RNLS: variants seen among roughly 807,000 people sequenced by gnomAD.
The protein encoded by RNLS is renalase.
A neutral mutation model predicts 39.8 loss-of-function variants in RNLS; 39 were observed. That is an observed-to-expected ratio of 0.98 (90% CI 0.76 to 1.28). RNLS has a LOEUF of 1.28. Ranked by LOEUF, RNLS falls within the 50% of genes most tolerant of loss-of-function variation. RNLS has a pLI of 0.00. For missense variants in RNLS, 410 were observed against 413.3 expected (o/e 0.99, Z 0.07); for synonymous variants, 147 against 150.7 (o/e 0.98, Z 0.18).
chr10:88,182,701 G>C, the RNLS span, among the ~76,000 whole-genome samples: 42 of 152,206 alleles, frequency 2.8e-4, no homozygotes, highest in Non-Finnish European at 5.3e-4. Flanking sequence ...GTGTGTGTGA[G>C]AGAGTGATTT....
At chr10:88,364,570 C>T (rs1180487464) in intron 4 of RNLS, among the ~76,000 whole-genome samples, 1 of 152,076 alleles carries the variant, frequency 6.6e-6, no homozygotes, top group South Asian at 2.1e-4. Context: ...ATTCTTACTA[C>T]CCTATACTTT....
chr10:88,373,134 CAT>C (rs750708183), intron 4 of RNLS, among the ~76,000 whole-genome samples: 106 of 152,242 alleles, frequency 7.0e-4, no homozygotes, highest in Non-Finnish European at 1.3e-3. Flanking sequence ...AACTTTATTA[CAT>C]GTCACCTCAT....
intron 4 of RNLS, among the ~76,000 whole-genome samples, chr10:88,457,037 A>AT (rs1282335371): frequency 6.6e-6 from 1 of 152,164 alleles, no homozygotes; most frequent in Non-Finnish European, 1.5e-5. Context: ...CTCCACCCAC[A>AT]TTTTTTAAAA....
At chr10:88,291,553 C>T (rs10887796) in intron 6 of RNLS, among the ~76,000 whole-genome samples, 87,033 of 152,016 alleles carry the variant, frequency 0.57, 25,587 homozygotes, top group Non-Finnish European at 0.63. Flanking sequence ...CCCAACAGGG[C>T]CTCAGCATCC....
chr10:88,350,784 C>A (rs1197203315), intron 5 of RNLS, among the ~76,000 whole-genome samples: 3 of 152,150 alleles, frequency 2.0e-5, no homozygotes, highest in African/African-American at 7.2e-5. Context: ...ATTTCTAGTT[C>A]TAGATCCCTG....
At chr10:88,496,071 C>A (rs1845157539) in intron 4 of RNLS, among the ~76,000 whole-genome samples, 1 of 151,830 alleles carries the variant, frequency 6.6e-6, no homozygotes, top group Non-Finnish European at 1.5e-5. Context: ...GCAAAGGGGA[C>A]AGAAGGAAGA....
intron 4 of RNLS, among the ~76,000 whole-genome samples, chr10:88,547,735 T>C (rs1267238220): frequency 2.0e-5 from 3 of 152,208 alleles, no homozygotes; most frequent in Non-Finnish European, 4.4e-5. Context: ...TTAATAATAA[T>C]GTATTATGTA....
In RNLS at chr10:88,521,937, A is replaced by G. The variant is rs567833429; in HGVS notation, c.526+50966T>C. Among the ~76,000 whole-genome samples, 10 of 152,188 alleles carry G rather than the reference A, an allele frequency of 6.6e-5. No homozygotes were observed. In the East Asian group the frequency reaches 1.4e-3, roughly 21 times the overall value. On this transcript the variant is annotated intron_variant, in intron 4 of 6. Coordinates refer to ENST00000331772, the MANE Select transcript of RNLS (RefSeq NM_001031709.3). ...CGATTTCCATCATAAAGCTTGTTAA[A>G]TGGTGTTACCCAAGAAACAATAACT...
intron 5 of RNLS, among the ~76,000 whole-genome samples, chr10:88,331,805 CTTT>C (rs1386170437): frequency 6.6e-6 from 1 of 152,086 alleles, no homozygotes; most frequent in Non-Finnish European, 1.5e-5. Context: ...CAATTTAGCT[CTTT>C]TATATGGCTC....
the RNLS span, among the ~76,000 whole-genome samples, chr10:88,205,296 T>C: frequency 6.6e-6 from 1 of 152,132 alleles, no homozygotes; most frequent in South Asian, 2.1e-4. Flanking sequence ...TTCTACTAAG[T>C]AAAATTGAGT....
chr10:88,292,815 G>T (rs529538387), intron 6 of RNLS, among the ~76,000 whole-genome samples: 30 of 152,038 alleles, frequency 2.0e-4, no homozygotes, highest in South Asian at 4.2e-4. Flanking sequence ...AGGCTGAGAC[G>T]GGTGGATCAT....
intron 4 of RNLS, among the ~76,000 whole-genome samples, chr10:88,394,038 T>G (rs1305477373): frequency 6.6e-6 from 1 of 152,050 alleles, no homozygotes; most frequent in Non-Finnish European, 1.5e-5. Context: ...ATACAAAAAT[T>G]AATTCAAATG....
chr10:88,436,346 T>A (rs951015858), intron 4 of RNLS, among the ~76,000 whole-genome samples: 1 of 152,116 alleles, frequency 6.6e-6, no homozygotes, highest in African/African-American at 2.4e-5. Flanking sequence ...TTATTCCCTA[T>A]CCTACAAAGA....
intron 4 of RNLS, among the ~76,000 whole-genome samples, chr10:88,526,193 G>A (rs1039074392): frequency 4.0e-5 from 6 of 151,604 alleles, no homozygotes; most frequent in African/African-American, 1.5e-4. Context: ...AAGAGTCAGA[G>A]CAATCAGTGC....
chr10:88,235,701 A>G, the RNLS span, among the ~76,000 whole-genome samples: 1 of 152,126 alleles, frequency 6.6e-6, no homozygotes, highest in African/African-American at 2.4e-5. Context: ...CATTTTTGTC[A>G]TTGTATGTAT....
chr10:88,224,861 G>A, the RNLS span, among the ~76,000 whole-genome samples: 1 of 152,122 alleles, frequency 6.6e-6, no homozygotes, highest in Non-Finnish European at 1.5e-5. Context: ...TGTATTATAT[G>A]CATTGTCTCA....
chr10:88,344,541 A>C (rs1848182820), intron 5 of RNLS, among the ~76,000 whole-genome samples: 1 of 152,128 alleles, frequency 6.6e-6, no homozygotes, highest in Admixed American at 6.6e-5. Context: ...CAGAGGGACT[A>C]TAATCTTTAT....
At chr10:88,488,666 T>C (rs1417112323) in intron 4 of RNLS, among the ~76,000 whole-genome samples, 2 of 143,102 alleles carry the variant, frequency 1.4e-5, no homozygotes, top group Non-Finnish European at 3.1e-5. Context: ...GCAAGCAAAA[T>C]GAAAAATTAA....
the RNLS span, among the ~76,000 whole-genome samples, chr10:88,219,547 G>C: frequency 3.3e-5 from 5 of 152,042 alleles, no homozygotes; most frequent in Admixed American, 2.6e-4. Context: ...GTACTTCCCG[G>C]TTTCTACCTC....
Sources: gnomAD v4.1 joint callset for allele counts (sites outside exome capture counted in the v4.1 genomes callset) on GRCh38, gnomAD v4.1.1 for gene constraint, MANE v1.5 for transcripts, NCBI Gene and HGNC (gene_info 2026-07-23, HGNC 2026-07-21) for gene names.